Variants in VWA8 observed in about 807,000 individuals in gnomAD.
The protein encoded by VWA8 is von Willebrand factor A domain containing 8.
In VWA8, 221 loss-of-function variants were observed where a neutral mutation model predicts 241.5. The observed-to-expected ratio is 0.91, with a 90% confidence interval of 0.82 to 1.02. VWA8 has a LOEUF of 1.02. Ranked by LOEUF, VWA8 falls within the 50% of genes least tolerant of loss-of-function variation. The pLI, the probability that VWA8 is intolerant of heterozygous loss-of-function variation, is 0.00. For synonymous variants in VWA8, 852 were observed against 827.1 expected (o/e 1.03, Z -0.52); for missense variants, 2,322 against 2,328.7 (o/e 1.00, Z 0.06).
chr13:41,652,401 A>G (rs1037988591), intron 37 of VWA8, among the ~76,000 whole-genome samples: 5 of 152,218 alleles, frequency 3.3e-5, no homozygotes, highest in Non-Finnish European at 5.9e-5. Context: ...CAACCTCAGA[A>G]TGGGAGCAAT....
chr13:41,779,001 C>T (rs1868765188), intron 19 of VWA8, among the ~76,000 whole-genome samples: 1 of 150,440 alleles, frequency 6.6e-6, no homozygotes. Flanking sequence ...GCCACCACGC[C>T]CGGCTAATTT....
intron 2 of VWA8, among the ~76,000 whole-genome samples, chr13:41,914,008 G>A (rs1407465126): frequency 6.6e-6 from 1 of 152,226 alleles, no homozygotes; most frequent in Non-Finnish European, 1.5e-5. Context: ...TTGGGAGGCC[G>A]AGGCAGGTGG....
At chr13:41,598,930 C>G (rs1157550117) in intron 40 of VWA8, among the ~76,000 whole-genome samples, 1 of 151,682 alleles carries the variant, frequency 6.6e-6, no homozygotes, top group East Asian at 1.9e-4. Context: ...TCCTTTTGAT[C>G]CATAGACTTA....
chr13:41,806,680 G>A (rs536375664), intron 17 of VWA8, among the ~76,000 whole-genome samples: 73 of 152,064 alleles, frequency 4.8e-4, no homozygotes, highest in African/African-American at 1.7e-3. Flanking sequence ...TCCAGCCTGG[G>A]CAACAGAGCA....
chr13:41,741,609 C>G (rs1188813342), intron 21 of VWA8, among the ~76,000 whole-genome samples: 1 of 152,154 alleles, frequency 6.6e-6, no homozygotes, highest in Non-Finnish European at 1.5e-5. Flanking sequence ...TTTATGTACA[C>G]CTAGTGTCTA....
chr13:41,947,936 A>AC, intron 2 of VWA8, among the ~76,000 whole-genome samples: 1 of 144,486 alleles, frequency 6.9e-6, no homozygotes, highest in Non-Finnish European at 1.5e-5. Flanking sequence ...TGTCTCAAAA[A>AC]AAAAAAAAAA....
intron 26 of VWA8, among the ~76,000 whole-genome samples, chr13:41,706,183 T>C (rs2045281427): frequency 6.6e-6 from 1 of 152,210 alleles, no homozygotes; most frequent in African/African-American, 2.4e-5. Flanking sequence ...TTACTGACAA[T>C]GCCAGGCATG....
At chr13:41,643,482 T>C (rs35108859) in intron 37 of VWA8, among the ~76,000 whole-genome samples, 4,272 of 152,360 alleles carry the variant, frequency 0.028, 68 homozygotes, top group South Asian at 0.062. Flanking sequence ...CAATAATGAA[T>C]GAGAACTGAA....
chr13:41,618,078 G>C (rs2044633294), intron 37 of VWA8, among the ~76,000 whole-genome samples: 1 of 152,156 alleles, frequency 6.6e-6, no homozygotes, highest in African/African-American at 2.4e-5. Context: ...GGTTGAACTA[G>C]TTTACAGTCC....
intron 24 of VWA8, among the ~76,000 whole-genome samples, chr13:41,725,382 T>C (rs777646146): frequency 1.1e-4 from 17 of 152,142 alleles, no homozygotes; most frequent in Admixed American, 2.6e-4. Context: ...CCAAGGACAA[T>C]TGAGGACAGA....
At chr13:41,941,975 T>C (rs187800774) in intron 2 of VWA8, among the ~76,000 whole-genome samples, 15 of 152,322 alleles carry the variant, frequency 9.8e-5, no homozygotes, top group South Asian at 2.1e-4. Context: ...TCTGTCAAGA[T>C]TGGATATTAT....
intron 43 of VWA8, among the ~76,000 whole-genome samples, chr13:41,574,683 A>ATAGT (rs1162147017): frequency 1.3e-5 from 2 of 152,248 alleles, no homozygotes; most frequent in Non-Finnish European, 2.9e-5. Flanking sequence ...TACTAAGGCT[A>ATAGT]TAGTTACCAA....
chr13:41,899,022 GCT>G (rs1457950991), intron 4 of VWA8, among the ~76,000 whole-genome samples: 1 of 152,242 alleles, frequency 6.6e-6, no homozygotes, highest in Non-Finnish European at 1.5e-5. Flanking sequence ...CCAGAAAGGG[GCT>G]CCCACAGTGC....
intron 12 of VWA8, among the ~76,000 whole-genome samples, chr13:41,863,419 G>GTA (rs1555344514): frequency 1.4e-5 from 1 of 70,074 alleles, no homozygotes. Context: ...GTGTGTGTGT[G>GTA]TGTGTGTGTG....
intron 37 of VWA8, among the ~76,000 whole-genome samples, chr13:41,669,259 T>G (rs1342661038): frequency 6.6e-6 from 1 of 152,256 alleles, no homozygotes; most frequent in African/African-American, 2.4e-5. Context: ...AGATGTTAGA[T>G]CCATAATTCT....
chr13:41,784,701 T>TATATATATATAC (rs1869070921), intron 18 of VWA8, among the ~76,000 whole-genome samples: 7 of 69,826 alleles, frequency 1.0e-4, no homozygotes, highest in East Asian at 3.8e-4. Flanking sequence ...CATATACATA[T>TATATATATATAC]ATATATATAT....
rs1278708433 is a variant in VWA8 at position 41,575,735 on chromosome 13, T to C, written c.5370+5A>G. ...CATAATACAGAGGTAATAAAATATA[T>C]TTACCTTCAGAATTTCTAGTCTTTG... On this transcript the variant is annotated splice_donor_5th_base_variant and intron_variant, in intron 43 of 44. Coordinates refer to ENST00000379310, the MANE Select transcript of VWA8 (RefSeq NM_015058.2). 2 of 1,595,732 alleles carry C rather than the reference T, an allele frequency of 1.3e-6. No homozygotes were observed. The highest frequency in any genetic ancestry group is 4.5e-5 in the East Asian group (2 of 44,784).
intron 41 of VWA8, 70 bp downstream of exon 41, chr13:41,590,570 C>T: frequency 6.8e-7 from 1 of 1,465,882 alleles, no homozygotes; most frequent in East Asian, 2.4e-5. Context: ...TGACACAACT[C>T]ACGAAAGCAA....
At chr13:41,893,497 T>C (rs1361026611) in intron 4 of VWA8, among the ~76,000 whole-genome samples, 2 of 150,500 alleles carry the variant, frequency 1.3e-5, no homozygotes, top group Non-Finnish European at 3.0e-5. Context: ...AGAAGTGACT[T>C]AGTAGTTTCT....
Sources: gnomAD v4.1 joint callset for allele counts (sites outside exome capture counted in the v4.1 genomes callset) on GRCh38, gnomAD v4.1.1 for gene constraint, MANE v1.5 for transcripts, NCBI Gene and HGNC (gene_info 2026-07-23, HGNC 2026-07-21) for gene names.